CSMD1: variants seen among roughly 807,000 people sequenced by gnomAD.
The protein encoded by CSMD1 is CUB and sushi domain-containing protein 1.
A neutral mutation model predicts 417.5 loss-of-function variants in CSMD1; 213 were observed. The observed-to-expected ratio is 0.51, with a 90% CI of 0.46 to 0.57. CSMD1 has a LOEUF of 0.57. CSMD1 is among the 20% of genes least tolerant of loss of function. CSMD1 has a pLI of 0.00. For synonymous variants in CSMD1, 2,862 were observed against 1,736.8 expected (o/e 1.65, Z -16.11); for missense variants, 6,923 against 4,529.7 (o/e 1.53, Z -15.17).
At position 4,785,629 on chromosome 8, in the gene CSMD1, CAG is replaced by C. The variant is rs557358749; in HGVS notation, c.86-148073_86-148072del. Among the ~76,000 whole-genome samples, 755 of 152,272 alleles carry C rather than the reference CAG, an allele frequency of 5.0e-3. 2 individuals are homozygous for C. Among genetic ancestry groups the C allele is most frequent in the African/African-American group, 0.018 (732 of 41,558 alleles). ...GGCTCTGAGAACCTCAGCTCACACACAGACTCAGAGTCCCAGACTTTGCTTTT... is the reference window on the plus strand; with the variant it reads ...GGCTCTGAGAACCTCAGCTCACACACACTCAGAGTCCCAGACTTTGCTTTT... On this transcript the variant is annotated intron_variant, in intron 1 of 69. Transcript: ENST00000635120.
At chr8:4,120,864 A>C (rs1239422213) in intron 3 of CSMD1, among the ~76,000 whole-genome samples, 1 of 152,090 alleles carries the variant, frequency 6.6e-6, no homozygotes, top group Non-Finnish European at 1.5e-5. Context: ...TACAGAAACA[A>C]ATTTTTTCTG....
chr8:4,100,164 T>C (rs943496660), intron 3 of CSMD1, among the ~76,000 whole-genome samples: 2 of 152,178 alleles, frequency 1.3e-5, no homozygotes, highest in Admixed American at 1.3e-4. Flanking sequence ...GTGAGTAAAA[T>C]GGGGCATATA....
At chr8:3,933,277 T>G (rs1810277390) in intron 5 of CSMD1, among the ~76,000 whole-genome samples, 1 of 152,204 alleles carries the variant, frequency 6.6e-6, no homozygotes, top group South Asian at 2.1e-4. Context: ...TCTAAAATAT[T>G]TTGCTTTATT....
chr8:3,270,778 C>A (rs1383174543), intron 26 of CSMD1, among the ~76,000 whole-genome samples: 1 of 152,066 alleles, frequency 6.6e-6, no homozygotes, highest in African/African-American at 2.4e-5. Context: ...TGTTTTCATG[C>A]TGCTGATAAA....
At chr8:3,477,622 T>A (rs1817507565) in intron 11 of CSMD1, among the ~76,000 whole-genome samples, 1 of 152,160 alleles carries the variant, frequency 6.6e-6, no homozygotes, top group South Asian at 2.1e-4. Context: ...ATATCTCTGG[T>A]ACAAATTGGC....
Position 3,920,784 on chromosome 8 carries a change from G to C in CSMD1, c.818+77119C>G, listed in dbSNP as rs911832697. ...TGGGGTATATCCAATTTATTGATTT[G>C]CGTATGTTAAAACAACCTTGCATCC... On this transcript the variant is annotated intron_variant, in intron 5 of 69. Coordinates refer to ENST00000635120, the MANE Select transcript of CSMD1 (RefSeq NM_033225.6). 1.2e-4 allele frequency among the ~76,000 whole-genome samples: 19 copies of C among 152,126 alleles called. No individual in the cohort carries two copies. The East Asian group carries it at 3.7e-3, about 29-fold the overall frequency.
intron 5 of CSMD1, among the ~76,000 whole-genome samples, chr8:3,985,646 C>G (rs1005206808): frequency 6.6e-6 from 1 of 152,116 alleles, no homozygotes; most frequent in Admixed American, 6.6e-5. Context: ...GTTGCACTCA[C>G]AGAAGCTTGC....
At chr8:4,490,005 T>A (rs1265838469) in intron 2 of CSMD1, among the ~76,000 whole-genome samples, 1 of 151,910 alleles carries the variant, frequency 6.6e-6, no homozygotes, top group Non-Finnish European at 1.5e-5. Flanking sequence ...TTGTTGTCTG[T>A]CTTTCCAGGT....
chr8:4,603,799 C>T (rs1391997138), intron 2 of CSMD1, among the ~76,000 whole-genome samples: 1 of 151,952 alleles, frequency 6.6e-6, no homozygotes, highest in Non-Finnish European at 1.5e-5. Context: ...CAATAATTTC[C>T]AATGTTTGAG....
At position 4,099,457 on chromosome 8, in the gene CSMD1, C is replaced by T. The variant is rs569724704; in HGVS notation, c.416-67358G>A. ...TCAGTTCTAATACACCATTCCTAAG[C>T]CTCCAACAATCATCTTCCACAGTGC... On this transcript the variant is annotated intron_variant, in intron 3 of 69. Coordinates refer to ENST00000635120, the MANE Select transcript of CSMD1 (RefSeq NM_033225.6). 1.1e-4 allele frequency among the ~76,000 whole-genome samples: 17 copies of T among 152,224 alleles called. No homozygotes were observed. In the South Asian group the frequency reaches 3.3e-3, roughly 30 times the overall value.
chr8:4,251,648 C>G (rs1803082755), intron 3 of CSMD1, among the ~76,000 whole-genome samples: 1 of 152,264 alleles, frequency 6.6e-6, no homozygotes, highest in Middle Eastern at 3.4e-3. Flanking sequence ...AATCATGACA[C>G]TTTTCTCATT....
intron 1 of CSMD1, among the ~76,000 whole-genome samples, chr8:4,660,774 G>T (rs969643445): frequency 6.6e-6 from 1 of 151,944 alleles, no homozygotes; most frequent in Non-Finnish European, 1.5e-5. Context: ...TCAAAACTCA[G>T]CCATAAAGCC....
intron 37 of CSMD1, among the ~76,000 whole-genome samples, chr8:3,167,424 G>T (rs774787127): frequency 6.6e-5 from 10 of 151,274 alleles, no homozygotes; most frequent in Admixed American, 5.3e-4. Flanking sequence ...TAAATGTGAA[G>T]ACAACATAAA....
intron 7 of CSMD1, among the ~76,000 whole-genome samples, chr8:3,692,014 G>A (rs1198660217): frequency 6.6e-6 from 1 of 152,144 alleles, no homozygotes; most frequent in Admixed American, 6.5e-5. Flanking sequence ...TGGGCATCTG[G>A]TCTCATCATC....
chr8:4,818,151 G>A (rs991940950), intron 1 of CSMD1, among the ~76,000 whole-genome samples: 1 of 152,118 alleles, frequency 6.6e-6, no homozygotes, highest in Admixed American at 6.6e-5. Context: ...CATAATTTAT[G>A]TGACAAATGA....
intron 26 of CSMD1, among the ~76,000 whole-genome samples, chr8:3,232,105 C>G (rs1287925804): frequency 6.6e-6 from 1 of 152,216 alleles, no homozygotes; most frequent in Non-Finnish European, 1.5e-5. Context: ...TCAGTATGAT[C>G]AATGCGTAGA....
intron 3 of CSMD1, among the ~76,000 whole-genome samples, chr8:4,256,728 C>T (rs1803482337): frequency 6.6e-6 from 1 of 152,038 alleles, no homozygotes; most frequent in African/African-American, 2.4e-5. Context: ...AGGCGCCAGG[C>T]ACAGTTACGG....
chr8:4,435,224 A>G (rs1798086247), intron 2 of CSMD1, among the ~76,000 whole-genome samples: 1 of 152,204 alleles, frequency 6.6e-6, no homozygotes, highest in Non-Finnish European at 1.5e-5. Flanking sequence ...TGATCTTTGG[A>G]AAATTAAACC....
At chr8:3,832,501 T>C in intron 5 of CSMD1, among the ~76,000 whole-genome samples, 1 of 152,182 alleles carries the variant, frequency 6.6e-6, no homozygotes, top group Non-Finnish European at 1.5e-5. Context: ...CATTTATCTG[T>C]TGCATAGCAT....
Sources: allele counts gnomAD v4.1 joint callset (sites outside exome capture counted in the v4.1 genomes callset), GRCh38; gene constraint gnomAD v4.1.1; transcripts MANE v1.5; gene names NCBI Gene and HGNC (gene_info 2026-07-23, HGNC 2026-07-21).